SEC16B: variants seen among roughly 807,000 people sequenced by gnomAD.
The protein encoded by SEC16B is SEC16 homolog B, endoplasmic reticulum export factor, also known as protein transport protein Sec16B.
Under a neutral mutation model 141.8 loss-of-function variants are expected in SEC16B, and 115 were observed. The ratio of observed to expected loss-of-function variants is 0.81; its 90% CI spans 0.70 to 0.95. The LOEUF (loss-of-function observed/expected upper bound fraction) is 0.95, where lower values mean the gene tolerates loss of function less well. Among genes scored for constraint, SEC16B ranks in the 40% least tolerant of loss-of-function variants. The pLI is 0.00. For synonymous variants in SEC16B, 493 were observed against 492.5 expected (o/e 1.00, Z -0.01); for missense variants, 1,291 against 1,312.3 (o/e 0.98, Z 0.25).
chr1:177,929,888 A>C lies in SEC16B; in HGVS notation c.3153T>G (p.Ala1051=), dbSNP rs1650284480. Residue 1051 remains alanine, a synonymous_variant, in exon 26 of 26, where the codon GCT becomes GCG. Coordinates refer to ENST00000308284, the MANE Select transcript of SEC16B (RefSeq NM_033127.4). ...ATGGCTGGGTGGGATAGCGACGCTGAGCTAGGCGATTTGGCCGATTCAGGC... is the reference window on the plus strand; with the variant it reads ...ATGGCTGGGTGGGATAGCGACGCTGCGCTAGGCGATTTGGCCGATTCAGGC... ...ATSLNRPNRL[A]QRRYPTQPC is the part of the protein sequence containing the mutation. The C allele has an allele frequency of 3.7e-6, 6 of 1,613,918 alleles. No homozygotes were observed. The highest frequency in any genetic ancestry group is 5.1e-6 in the Non-Finnish European group (6 of 1,179,876).
chr1:177,978,020 A>G (rs535894825), intron 1 of SEC16B, among the ~76,000 whole-genome samples: 5 of 152,294 alleles, frequency 3.3e-5, no homozygotes, highest in Admixed American at 1.3e-4. Context: ...TCTCTCTTTC[A>G]GGTTACTTAT....
chr1:177,945,468 G>A (rs1651616649), intron 14 of SEC16B: 1 of 152,252 alleles, frequency 6.6e-6, no homozygotes, highest in Non-Finnish European at 1.5e-5. Flanking sequence ...TGACAAGCTA[G>A]CCATGTGCTA....
chr1:177,944,117 G>C (rs1366886077), intron 15 of SEC16B, among the ~76,000 whole-genome samples: 1 of 152,222 alleles, frequency 6.6e-6, no homozygotes, highest in Non-Finnish European at 1.5e-5. Context: ...GTAGAGGACA[G>C]AGGATTTCAA....
Position 177,965,158 on chromosome 1 carries a change from T to G in SEC16B, c.422A>C (p.Gln141Pro), listed in dbSNP as rs762783338. ...TTCGTGCCAGATATAAGGACTCCGT[T>G]GCCTTGGCACTGCACCCTCAGAGAA... The part of the protein sequence containing the change: ...QWLQEERVPR[Q>P]RSPYIWHEDY... The change falls in exon 4 of 26, where the codon CAA becomes CCA. Residue 141 changes from glutamine (Q) to proline (P), a missense_variant. Around this residue, in one of 3 missense-constraint regions of SEC16B, gnomAD observed 681 missense variants for 675.5 expected, o/e 1.01. Transcript: ENST00000308284. 2 of 1,613,442 alleles carry G rather than the reference T, an allele frequency of 1.2e-6. No individual in the cohort carries two copies. Among genetic ancestry groups the G allele is most frequent in the Middle Eastern group, 1.7e-4 (1 of 6,060 alleles).
chr1:177,949,430 A>AC (rs1218880008), intron 12 of SEC16B, among the ~76,000 whole-genome samples: 3 of 144,336 alleles, frequency 2.1e-5, no homozygotes, highest in African/African-American at 8.3e-5. Flanking sequence ...ACACACACAC[A>AC]AAGAAAAACT....
At chr1:177,944,768 G>T in intron 14 of SEC16B, 102 bp from the exon 15 acceptor site, 1 of 940,844 alleles carries the variant, frequency 1.1e-6, no homozygotes, top group Non-Finnish European at 1.7e-6. Context: ...TCATGGGGGA[G>T]TTTCCATCCT....
chr1:177,965,289 A>G, intron 3 of SEC16B, 122 bp from the exon 4 acceptor site: 1 of 1,198,482 alleles, frequency 8.3e-7, no homozygotes, highest in Non-Finnish European at 1.2e-6. Flanking sequence ...CATATTTTCC[A>G]AATTGAAAAA....
At position 177,931,445 on chromosome 1, in the gene SEC16B, T is replaced by TA. The variant is rs199793931; in HGVS notation, c.3013-803dup. Among the ~76,000 whole-genome samples the TA allele has an allele frequency of 7.8e-4, 119 of 151,974 alleles. 1 individual carries two copies. The East Asian group carries it at 0.014, about 17-fold the overall frequency. On this transcript the variant is annotated intron_variant, in intron 24 of 25. Coordinates refer to ENST00000308284, the MANE Select transcript of SEC16B (RefSeq NM_033127.4). ...GGAAGGGTGGGAGGAGGGTCAGGGATAAAAAAAACTACATATTAGGTACAA... is the reference window on the plus strand; with the variant it reads ...GGAAGGGTGGGAGGAGGGTCAGGGATAAAAAAAAACTACATATTAGGTACAA...
At position 177,958,173 on chromosome 1, in the gene SEC16B, C is replaced by G. The variant is rs573548566; in HGVS notation, c.1324G>C (p.Val442Leu). The G allele has an allele frequency of 3.8e-6, 6 of 1,562,798 alleles. No homozygotes were observed. The Admixed American group carries it at 5.5e-5, about 14-fold the overall frequency. Residue 442 changes from valine (V) to leucine (L), a missense_variant, in exon 10 of 26, where the codon GTG (valine) becomes CTG (leucine). By Grantham distance (32) the Val-to-Leu change is conservative. Coordinates refer to ENST00000308284, the MANE Select transcript of SEC16B (RefSeq NM_033127.4). Reference sequence around the variant, plus strand: ...TAGAGCAGCCTAGTGAATTTCTCCACGATCTGCGCAGGTGTCTCCACACTG... The same window carrying G: ...TAGAGCAGCCTAGTGAATTTCTCCAGGATCTGCGCAGGTGTCTCCACACTG... The part of the protein sequence containing the change: ...PPSVETPAQI[V>L]EKFTRLLYYG...
chr1:177,970,051 A>G lies in SEC16B; in HGVS notation c.-226T>C, dbSNP rs1159638575. On this transcript the variant is annotated 5_prime_UTR_variant, in exon 1 of 26. It removes an upstream start codon present in the reference 5' UTR. Transcript: ENST00000308284. ...TTACCTTTGCAACTGCCCAACCTCC[A>G]TGGAGCTGATTCATTAGGGCAAAGT... 1 of 152,286 alleles carries G rather than the reference A, an allele frequency of 6.6e-6. No individual in the cohort carries two copies. Among genetic ancestry groups the G allele is most frequent in the Non-Finnish European group, 1.5e-5 (1 of 68,146 alleles). The allele number at this position is 152,286 out of a possible 1,614,324, so 9.4% of individuals were successfully genotyped here.
intron 1 of SEC16B, among the ~76,000 whole-genome samples, chr1:177,975,890 CTGGGTGGCAG>C (rs1654151316): frequency 6.6e-6 from 1 of 152,166 alleles, no homozygotes. Context: ...TTCAGGTGAG[CTGGGTGGCAG>C]ACAAGATGCA....
chr1:177,967,589 G>A, intron 2 of SEC16B, 94 bp downstream of exon 2: 2 of 1,285,068 alleles, frequency 1.6e-6, no homozygotes, highest in Non-Finnish European at 2.1e-6. Flanking sequence ...AGAAAAAAGG[G>A]GGAGAAAAAT....
chr1:177,931,556 A>G (rs1650416105), intron 24 of SEC16B, among the ~76,000 whole-genome samples: 1 of 152,132 alleles, frequency 6.6e-6, no homozygotes, highest in Admixed American at 6.5e-5. Context: ...TTAACCAAAA[A>G]CCACTTGTGC....
chr1:177,951,469 A>G lies in SEC16B; in HGVS notation c.1545+445T>C, dbSNP rs190877313. On this transcript the variant is annotated intron_variant, in intron 12 of 25. Coordinates refer to ENST00000308284, the MANE Select transcript of SEC16B (RefSeq NM_033127.4). ...CGAGTATGTCCAGCTTTGAAGTGCC[A>G]GTGTGCAGTGGTGGGAAACATTCCT... is the stretch of plus-strand genomic sequence containing the variant. 1.5e-4 allele frequency among the ~76,000 whole-genome samples: 23 copies of G among 152,352 alleles called. No homozygotes were observed. In the East Asian group the frequency reaches 2.9e-3, roughly 19 times the overall value.
intron 12 of SEC16B, chr1:177,948,457 C>G (rs1183480459): frequency 7.7e-7 from 1 of 1,303,466 alleles, no homozygotes; most frequent in African/African-American, 1.5e-5. Context: ...CACAGGAACC[C>G]TATGAAGTCT....
chr1:177,967,549 A>T (rs1653631315), intron 2 of SEC16B, 134 bp downstream of exon 2: 3 of 888,576 alleles, frequency 3.4e-6, no homozygotes, highest in African/African-American at 3.3e-5. Context: ...GGATTTAGCT[A>T]AAGCCACGTA....
chr1:177,958,264 C>T lies in SEC16B; in HGVS notation c.1233G>A (p.Leu411=). Residue 411 remains leucine, a synonymous_variant, in exon 10 of 26, where the codon CTG becomes CTA. Transcript: ENST00000308284. The part of the protein sequence containing the change: ...RQPPVANLIN[L]TDEDWPVLSS... ...TCAGCACTGGCCAGTCCTCATCGGTCAGGTTGATGAGGTTGGCCACAGGGG... is the reference window on the plus strand; with the variant it reads ...TCAGCACTGGCCAGTCCTCATCGGTTAGGTTGATGAGGTTGGCCACAGGGG... The T allele has an allele frequency of 6.2e-7, 1 of 1,610,712 alleles. No individual in the cohort carries two copies. Among genetic ancestry groups the T allele is most frequent in the Non-Finnish European group, 8.5e-7 (1 of 1,178,370 alleles).
intron 10 of SEC16B, 61 bp from the exon 11 acceptor site, chr1:177,954,437 T>C (rs1297831044): frequency 7.4e-7 from 1 of 1,348,040 alleles, no homozygotes; most frequent in Non-Finnish European, 1.0e-6. Flanking sequence ...CAAGTTCCTG[T>C]GCTTAGGTGC....
At chr1:177,937,858 C>T (rs1318218390) in intron 18 of SEC16B, among the ~76,000 whole-genome samples, 1 of 151,896 alleles carries the variant, frequency 6.6e-6, no homozygotes, top group East Asian at 1.9e-4. Flanking sequence ...AGGTGAGACA[C>T]CCCTCATTAT....
Sources: gnomAD v4.1 joint callset for allele counts (sites outside exome capture counted in the v4.1 genomes callset) on GRCh38, gnomAD v4.1.1 for gene constraint, gnomAD v4.1.1 regional missense constraint, MANE v1.5 for transcripts, NCBI Gene and HGNC (gene_info 2026-07-23, HGNC 2026-07-21) for gene names.